Variants in DEFB134 observed in about 807,000 individuals in gnomAD.
DEFB134 encodes defensin beta 134, also known as beta-defensin 134.
Under a neutral mutation model 7.4 loss-of-function variants are expected in DEFB134, and 7 were observed. That is an observed-to-expected ratio of 0.95 (90% CI 0.54 to 1.79). The LOEUF is 1.79. DEFB134 is among the 40% of genes most tolerant of loss of function. The probability of loss-of-function intolerance (pLI) is 0.00; values close to 1 mark genes in which losing one functional copy is unlikely to be tolerated. For synonymous variants in DEFB134, 33 were observed against 25.0 expected (o/e 1.32, Z -0.96); for missense variants, 105 against 74.8 (o/e 1.40, Z -1.49).
chr8:11,994,219 G>C (rs967878238), intron 1 of DEFB134, 97 bp from the exon 3 acceptor site: 1 of 1,394,688 alleles, frequency 7.2e-7, no homozygotes, highest in Admixed American at 2.3e-5. Flanking sequence ...ATACCAAGGA[G>C]ATTTGGTTAT....
exon 2 of DEFB134, chr8:11,993,437 C>G (rs1019533844): frequency 6.6e-6 from 1 of 152,288 alleles, no homozygotes; most frequent in Non-Finnish European, 1.5e-5. Flanking sequence ...TCCAGCCCAT[C>G]ACAAGATGGC....
At chr8:11,999,933 T>G (rs897882008), upstream of DEFB134, among the ~76,000 whole-genome samples, 4 of 152,238 alleles carry the variant, frequency 2.6e-5, 1 homozygote, top group South Asian at 4.1e-4. Flanking sequence ...TGCTCCACGC[T>G]AGGACTAGAT....
Position 11,994,045 on chromosome 8 carries a change from C to CA in DEFB134, c.135dup (p.Glu46Ter). 1.2e-6 allele frequency: 2 copies of CA among 1,613,968 alleles called. No homozygotes were observed. The highest frequency in any genetic ancestry group is 1.7e-6 in the Non-Finnish European group (2 of 1,179,958). ...AACATACAGTAGGCAACTAACATTTCACTCTCATAGCATTCAAGTCTGCAG... is the reference window on the plus strand; with the variant it reads ...AACATACAGTAGGCAACTAACATTTCAACTCTCATAGCATTCAAGTCTGCAG... On this transcript the variant is annotated frameshift_variant, in exon 2 of 2. Transcript: ENST00000526438. LOFTEE classifies it high-confidence loss of function.
At chr8:11,999,313 C>G, upstream of DEFB134, 1 of 220,738 alleles carries the variant, frequency 4.5e-6, no homozygotes. Context: ...GAAAAAAAGA[C>G]CTGGAAACCT....
chr8:11,996,072 T>C (rs570232318), intron 1 of DEFB134, 122 bp downstream of exon 2: 67 of 1,196,164 alleles, frequency 5.6e-5, no homozygotes, highest in African/African-American at 1.1e-4. Flanking sequence ...TCAAAACTAG[T>C]TGATGCTTTT....
At chr8:11,998,700 A>C (rs1288822711), upstream of DEFB134, among the ~76,000 whole-genome samples, 1 of 152,144 alleles carries the variant, frequency 6.6e-6, no homozygotes, top group Non-Finnish European at 1.5e-5. Flanking sequence ...ATCAGAGCTG[A>C]ACTGAATGAA....
chr8:11,996,009 G>T (rs1585092619), intron 1 of DEFB134, among the ~76,000 whole-genome samples, 185 bp downstream of exon 2: 1 of 149,628 alleles, frequency 6.7e-6, no homozygotes, highest in Non-Finnish European at 1.5e-5. Flanking sequence ...TTTGTCCAAA[G>T]TTATATAGTT....
At chr8:11,998,029 A>C (rs1800172216), upstream of DEFB134, among the ~76,000 whole-genome samples, 1 of 152,248 alleles carries the variant, frequency 6.6e-6, no homozygotes. Flanking sequence ...TCAGACCGCA[A>C]TGCAATAAAA....
rs539060558 is a variant in DEFB134, at chr8:11,993,848, C to T, written c.*132G>A. On this transcript the variant is annotated 3_prime_UTR_variant, in exon 2 of 2. Transcript: ENST00000526438. The stretch of plus-strand genomic sequence containing the variant: ...ATTTAAGACCACAAGAGTCTGCTGG[C>T]CTATAAAAATGCTAAAAACCAGTAG... 7.6e-4 allele frequency: 929 copies of T among 1,218,538 alleles called. 16 individuals are homozygous for T. The South Asian group carries it at 0.011, about 14-fold the overall frequency. The allele number at this position is 1,218,538 out of a possible 1,614,324, so 75.5% of individuals were successfully genotyped here. A position where few individuals can be genotyped will look rare whatever the true frequency, so the allele number is the denominator to read the frequency against.
At chr8:11,999,426 T>G (rs1172545183), upstream of DEFB134, 2 of 163,924 alleles carry the variant, frequency 1.2e-5, no homozygotes, top group Non-Finnish European at 1.4e-5. Flanking sequence ...TACTTTTATC[T>G]ATGTTGATAA....
chr8:11,999,669 A>C (rs1052274875), upstream of DEFB134, among the ~76,000 whole-genome samples: 1 of 152,210 alleles, frequency 6.6e-6, no homozygotes, highest in Non-Finnish European at 1.5e-5. Flanking sequence ...TCTAAAAGGT[A>C]AAGAAGAATT....
chr8:11,993,784 C>A (rs990743522), exon 2 of DEFB134: 1 of 592,136 alleles, frequency 1.7e-6, no homozygotes. Context: ...TTGTGAAAAA[C>A]CGAGCTCTTT....
upstream of DEFB134, among the ~76,000 whole-genome samples, chr8:12,000,616 A>G (rs573271612): frequency 6.6e-6 from 1 of 152,274 alleles, no homozygotes; most frequent in Non-Finnish European, 1.5e-5. Flanking sequence ...AATAACAATA[A>G]CTAATAATAA....
upstream of DEFB134, among the ~76,000 whole-genome samples, chr8:11,998,685 C>T (rs1294039391): frequency 1.3e-5 from 2 of 151,844 alleles, no homozygotes; most frequent in African/African-American, 4.8e-5. Context: ...AAAGAAATAA[C>T]CAAAATCAGA....
chr8:11,995,524 ACT>A (rs1031929267), intron 1 of DEFB134, among the ~76,000 whole-genome samples: 1 of 151,920 alleles, frequency 6.6e-6, no homozygotes, highest in Admixed American at 6.6e-5. Flanking sequence ...GGCCACTCAC[ACT>A]CTCTGTCATG....
chr8:11,995,971 G>GAAAAAAAAAAAAAAAA (rs1554452517), intron 1 of DEFB134, among the ~76,000 whole-genome samples: 3 of 131,412 alleles, frequency 2.3e-5, no homozygotes, highest in African/African-American at 3.5e-5. Flanking sequence ...AAAAAAAAAG[G>GAAAAAAAAAAAAAAAA]AAACTAAGGC....
chr8:11,999,580 G>C (rs960295635), upstream of DEFB134: 1 of 151,060 alleles, frequency 6.6e-6, no homozygotes, highest in Non-Finnish European at 1.5e-5. Flanking sequence ...TAAGGAGCTC[G>C]TTCACTGACT....
upstream of DEFB134, among the ~76,000 whole-genome samples, chr8:11,999,944 G>A (rs1281415958): frequency 6.6e-6 from 1 of 152,176 alleles, no homozygotes; most frequent in African/African-American, 2.4e-5. Flanking sequence ...AGGACTAGAT[G>A]GCTCTTTCTT....
chr8:11,994,733 T>C (rs1419234496), intron 1 of DEFB134, among the ~76,000 whole-genome samples: 1 of 152,234 alleles, frequency 6.6e-6, no homozygotes. Context: ...TACTCATTAT[T>C]ATTCATAAAC....
Sources: gnomAD v4.1 joint callset for allele counts (sites outside exome capture counted in the v4.1 genomes callset) on GRCh38, gnomAD v4.1.1 for gene constraint, MANE v1.5 for transcripts, NCBI Gene and HGNC (gene_info 2026-07-23, HGNC 2026-07-21) for gene names.